ROBO2: variants seen among roughly 807,000 people sequenced by gnomAD.
ROBO2 encodes the protein roundabout homolog 2.
A neutral mutation model predicts 160.8 loss-of-function variants in ROBO2; 53 were observed. That is an observed-to-expected ratio of 0.33 (90% CI 0.26 to 0.41). ROBO2 has a LOEUF of 0.41. ROBO2 is among the 10% of genes least tolerant of loss of function. ROBO2 has a pLI of 1.00. For missense variants in ROBO2, 1,577 were observed against 1,722.4 expected (o/e 0.92, Z 1.49); for synonymous variants, 664 against 611.7 (o/e 1.09, Z -1.26).
At chr3:77,127,525 C>G (rs1209151416) in intron 2 of ROBO2, among the ~76,000 whole-genome samples, 1 of 151,938 alleles carries the variant, frequency 6.6e-6, no homozygotes, top group East Asian at 1.9e-4. Flanking sequence ...GACTATTTAC[C>G]AACTTGAAAG....
chr3:76,005,476 C>A (rs1224761229), intron 2 of ROBO2, among the ~76,000 whole-genome samples: 1 of 152,164 alleles, frequency 6.6e-6, no homozygotes, highest in African/African-American at 2.4e-5. Context: ...AAGGTATGGG[C>A]AGCCATTTAT....
At chr3:76,874,292 A>T (rs2148700942) in intron 2 of ROBO2, among the ~76,000 whole-genome samples, 1 of 152,048 alleles carries the variant, frequency 6.6e-6, no homozygotes, top group African/African-American at 2.4e-5. Context: ...CCCATTAAGA[A>T]TCTTCCAAAG....
chr3:77,211,789 A>G (rs548703130), intron 2 of ROBO2, among the ~76,000 whole-genome samples: 40 of 152,348 alleles, frequency 2.6e-4, no homozygotes, highest in South Asian at 1.2e-3. Context: ...AGCTTTCTAC[A>G]TATGGCTACC....
At chr3:76,283,511 A>G (rs1326165106) in intron 2 of ROBO2, among the ~76,000 whole-genome samples, 1 of 151,916 alleles carries the variant, frequency 6.6e-6, no homozygotes, top group Non-Finnish European at 1.5e-5. Flanking sequence ...ATCTTAAAAC[A>G]TGTGTATTTA....
rs193227503 is a variant in ROBO2, at chr3:77,295,131, C to A, written c.389-182283C>A. Among the ~76,000 whole-genome samples, 392 of 128,740 alleles carry A rather than the reference C, an allele frequency of 3.0e-3. 6 individuals carry two copies. Among genetic ancestry groups the A allele is most frequent in the Middle Eastern group, 0.027 (4 of 146 alleles). 84.5% of individuals were successfully genotyped at this position (128,740 alleles called of 152,430 possible). A position where few individuals can be genotyped will look rare whatever the true frequency, so the allele number is the denominator to read the frequency against. On this transcript the variant is annotated intron_variant, in intron 2 of 25. Transcript: ENST00000461745. ...AAAGGTAAGCTGAGGCTAGGTCACC[C>A]CAGATATAAAGTAAAATTGACGGTT... is the stretch of plus-strand genomic sequence containing the variant.
intron 2 of ROBO2, among the ~76,000 whole-genome samples, chr3:77,422,007 A>G (rs62249799): frequency 0.2 from 30,432 of 152,174 alleles, 3,840 homozygotes; most frequent in Non-Finnish European, 0.28. Context: ...GAAAAATTAG[A>G]TTCATGTGCT....
intron 2 of ROBO2, among the ~76,000 whole-genome samples, chr3:76,533,142 A>G (rs1336240936): frequency 2.0e-5 from 3 of 152,196 alleles, no homozygotes; most frequent in Admixed American, 2.0e-4. Context: ...TAAATAATAT[A>G]ACTTTTTAGA....
intron 2 of ROBO2, among the ~76,000 whole-genome samples, chr3:77,187,798 T>G (rs2081414087): frequency 1.3e-5 from 2 of 151,938 alleles, no homozygotes; most frequent in Non-Finnish European, 2.9e-5. Context: ...AATGAATGTA[T>G]AGAAGTATAA....
intron 2 of ROBO2, among the ~76,000 whole-genome samples, chr3:76,731,645 G>A (rs2093639427): frequency 6.6e-6 from 1 of 152,024 alleles, no homozygotes; most frequent in South Asian, 2.1e-4. Context: ...CTTTTTATGA[G>A]GCTAATAAAT....
intron 2 of ROBO2, among the ~76,000 whole-genome samples, chr3:76,843,518 T>G (rs1449248382): frequency 6.6e-6 from 1 of 152,068 alleles, no homozygotes; most frequent in Non-Finnish European, 1.5e-5. Context: ...GAAGAAGACA[T>G]AATAATAATT....
At chr3:77,608,401 G>A (rs1275401666) in intron 21 of ROBO2, among the ~76,000 whole-genome samples, 1 of 152,134 alleles carries the variant, frequency 6.6e-6, no homozygotes, top group Non-Finnish European at 1.5e-5. Flanking sequence ...ATAATTGTAG[G>A]GACCTGGCCA....
chr3:76,668,514 T>C (rs2092141672), intron 2 of ROBO2, among the ~76,000 whole-genome samples: 1 of 152,084 alleles, frequency 6.6e-6, no homozygotes, highest in Non-Finnish European at 1.5e-5. Context: ...CCCAAAGACA[T>C]CTAACTTAAA....
chr3:75,973,170 A>C (rs1189849061), intron 2 of ROBO2, among the ~76,000 whole-genome samples: 2 of 151,704 alleles, frequency 1.3e-5, no homozygotes, highest in Non-Finnish European at 3.0e-5. Flanking sequence ...TACATAGGCA[A>C]AGCATAGCCA....
intron 2 of ROBO2, chr3:77,317,725 TA>T (rs1261440305): frequency 6.5e-4 from 11 of 16,990 alleles, no homozygotes; most frequent in African/African-American, 3.4e-3. Context: ...GGGGGGCTGC[TA>T]GGGGGGCTGC....
At chr3:76,275,013 T>C (rs946884493) in intron 2 of ROBO2, among the ~76,000 whole-genome samples, 3 of 152,126 alleles carry the variant, frequency 2.0e-5, no homozygotes, top group South Asian at 2.1e-4. Flanking sequence ...TTCTGAAATA[T>C]ACTATTTGAG....
chr3:76,398,394 G>A (rs2108730550), intron 2 of ROBO2, among the ~76,000 whole-genome samples: 1 of 151,894 alleles, frequency 6.6e-6, no homozygotes, highest in South Asian at 2.1e-4. Flanking sequence ...GTTAATGGGT[G>A]CAGCACACCA....
chr3:75,945,211 T>G (rs1382327034), intron 2 of ROBO2, among the ~76,000 whole-genome samples: 1 of 152,136 alleles, frequency 6.6e-6, no homozygotes, highest in Non-Finnish European at 1.5e-5. Context: ...ATGAGCCACA[T>G]AAATATGCAA....
chr3:76,010,681 T>C (rs2066168105), intron 2 of ROBO2, among the ~76,000 whole-genome samples: 1 of 152,224 alleles, frequency 6.6e-6, no homozygotes, highest in Non-Finnish European at 1.5e-5. Context: ...TTAAGAAATG[T>C]AGTTTAAAAT....
intron 2 of ROBO2, among the ~76,000 whole-genome samples, chr3:76,213,876 G>T (rs4054010): frequency 0.61 from 92,731 of 151,936 alleles, 28,668 homozygotes; most frequent in African/African-American, 0.68. Flanking sequence ...TTATCAAGGT[G>T]TTCTAGAAAA....
Sources: allele counts gnomAD v4.1 joint callset (sites outside exome capture counted in the v4.1 genomes callset), GRCh38; gene constraint gnomAD v4.1.1; transcripts MANE v1.5; gene names NCBI Gene and HGNC (gene_info 2026-07-23, HGNC 2026-07-21).